FGF18: variants seen among roughly 807,000 people sequenced by gnomAD.
FGF18 encodes fibroblast growth factor 18.
In FGF18, 5 loss-of-function variants were observed where a neutral mutation model predicts 23.0. The observed-to-expected ratio is 0.22, with a 90% confidence interval of 0.11 to 0.46. The LOEUF is 0.46. Among genes scored for constraint, FGF18 ranks in the 20% least tolerant of loss-of-function variants. The pLI is 0.99. For missense variants in FGF18, 180 were observed against 291.6 expected, an observed-to-expected ratio of 0.62 and a Z score of 2.79; for synonymous variants, 117 against 118.9, an observed-to-expected ratio of 0.98 and a Z score of 0.10.
intron 4 of FGF18, 147 bp downstream of exon 4, chr5:171,449,400 T>TGTGAGA (rs1458322429): frequency 9.9e-5 from 36 of 363,304 alleles, no homozygotes; most frequent in South Asian, 1.8e-4. Flanking sequence ...TGTGTGTGTG[T>TGTGAGA]GAGAGAGAGA....
intron 3 of FGF18, among the ~76,000 whole-genome samples, chr5:171,445,384 A>G (rs1772403785): frequency 6.6e-6 from 1 of 152,148 alleles, no homozygotes; most frequent in Non-Finnish European, 1.5e-5. Flanking sequence ...TTTGAGATGG[A>G]GTCTCACTCT....
intron 2 of FGF18, among the ~76,000 whole-genome samples, chr5:171,426,540 C>T (rs1490719615): frequency 1.3e-5 from 2 of 152,226 alleles, no homozygotes; most frequent in African/African-American, 2.4e-5. Context: ...GGCTTTGGTC[C>T]GGCTTGCTAG....
chr5:171,437,033 G>A (rs772976552), intron 3 of FGF18, among the ~76,000 whole-genome samples: 4 of 152,222 alleles, frequency 2.6e-5, no homozygotes, highest in Non-Finnish European at 5.9e-5. Flanking sequence ...CCGGAAAAGC[G>A]GAGACTGCTG....
chr5:171,456,524 C>G lies in FGF18; in HGVS notation c.358-15C>G, dbSNP rs746021685. 4.4e-6 allele frequency: 7 copies of G among 1,608,654 alleles called. No individual in the cohort carries two copies. Among genetic ancestry groups the G allele is most frequent in the East Asian group, 2.2e-5 (1 of 44,770 alleles). On this transcript the variant is annotated splice_polypyrimidine_tract_variant and intron_variant, in intron 4 of 4. Coordinates refer to ENST00000274625, the MANE Select transcript of FGF18 (RefSeq NM_003862.3). This position sits in a 1 kb window ranked among gnomAD's most constrained non-coding sequence, Gnocchi z 6.1. The stretch of plus-strand genomic sequence containing the variant: ...GTCATTTTTTTCTTGAACACTCCCC[C>G]TCTCTCCCCTGCAGCCCGATGGCAC...
At chr5:171,443,421 G>A (rs191977632) in intron 3 of FGF18, among the ~76,000 whole-genome samples, 4 of 149,630 alleles carry the variant, frequency 2.7e-5, no homozygotes, top group Admixed American at 1.3e-4. Context: ...ATGAGTGCCC[G>A]GCCCCACGTT....
At chr5:171,452,696 A>G (rs946893772) in intron 4 of FGF18, among the ~76,000 whole-genome samples, 6 of 152,058 alleles carry the variant, frequency 3.9e-5, no homozygotes, top group Admixed American at 1.3e-4. Context: ...GCCACCACCT[A>G]TTGCGATCAC....
chr5:171,451,559 TC>T lies in FGF18; in HGVS notation c.357+2307del, dbSNP rs1391030835. ...AGCCGCCTGGCGTGTGGCTTCTGCATCTCCAGGCCTTTCCCCGCTGCCCACC... is the reference window on the plus strand; with the variant it reads ...AGCCGCCTGGCGTGTGGCTTCTGCATTCCAGGCCTTTCCCCGCTGCCCACC... On this transcript the variant is annotated intron_variant, in intron 4 of 4. Transcript: ENST00000274625. This position sits in a 1 kb window ranked among gnomAD's most constrained non-coding sequence, Gnocchi z 4.5. 6.6e-6 allele frequency among the ~76,000 whole-genome samples: 1 copy of T among 152,092 alleles called. No individual in the cohort carries two copies. The highest frequency in any genetic ancestry group is 1.9e-4 in the East Asian group (1 of 5,172).
rs1011374041 is a variant in FGF18, at chr5:171,420,048, G to A, written c.-152G>A. 4.0e-6 allele frequency: 2 copies of A among 496,150 alleles called. No individual in the cohort carries two copies. The highest frequency in any genetic ancestry group is 6.0e-6 in the Non-Finnish European group (2 of 331,810). 30.7% of individuals were successfully genotyped at this position (496,150 alleles called of 1,614,324 possible). ...AGGGCGCGCCGCGGAGCGCCCCGGA[G>A]CAGCAGAGTCTGCAGCAGCAGCAGC... On this transcript the variant is annotated 5_prime_UTR_variant, in exon 1 of 5. Transcript: ENST00000274625.
chr5:171,420,486 G>T, intron 2 of FGF18, 43 bp downstream of exon 2: 1 of 1,591,332 alleles, frequency 6.3e-7, no homozygotes, highest in Non-Finnish European at 8.6e-7. Flanking sequence ...CCCCTGCCTC[G>T]CGGTACACGC....
chr5:171,420,050 A>G lies in FGF18; in HGVS notation c.-150A>G. The G allele has an allele frequency of 2.0e-6, 1 of 500,416 alleles. No homozygotes were observed. Among genetic ancestry groups the G allele is most frequent in the East Asian group, 4.4e-5 (1 of 22,888 alleles). The allele number at this position is 500,416 out of a possible 1,614,324, so 31.0% of individuals were successfully genotyped here. A position where few individuals can be genotyped will look rare whatever the true frequency, so the allele number is the denominator to read the frequency against. On this transcript the variant is annotated 5_prime_UTR_variant, in exon 1 of 5. Transcript: ENST00000274625. Reference sequence around the variant, plus strand: ...GGCGCGCCGCGGAGCGCCCCGGAGCAGCAGAGTCTGCAGCAGCAGCAGCCG... The same window carrying G: ...GGCGCGCCGCGGAGCGCCCCGGAGCGGCAGAGTCTGCAGCAGCAGCAGCCG...
At chr5:171,452,896 G>A (rs1195440849) in intron 4 of FGF18, among the ~76,000 whole-genome samples, 1 of 152,148 alleles carries the variant, frequency 6.6e-6, no homozygotes, top group African/African-American at 2.4e-5. Context: ...CAACAGTCCA[G>A]GGGGTAGTTC....
At chr5:171,425,906 C>A (rs1231039013) in intron 2 of FGF18, among the ~76,000 whole-genome samples, 3 of 152,140 alleles carry the variant, frequency 2.0e-5, no homozygotes, top group Non-Finnish European at 4.4e-5. Flanking sequence ...AGAGGAAGAA[C>A]AAGAGAGGCA....
At chr5:171,433,394 TAGA>T (rs1772206962) in intron 2 of FGF18, among the ~76,000 whole-genome samples, 1 of 151,374 alleles carries the variant, frequency 6.6e-6, no homozygotes, top group Non-Finnish European at 1.5e-5. Flanking sequence ...AGGAGGAGAG[TAGA>T]AGGACAGGGA....
intron 2 of FGF18, among the ~76,000 whole-genome samples, chr5:171,426,307 G>C (rs1355804569): frequency 6.6e-6 from 1 of 152,182 alleles, no homozygotes; most frequent in African/African-American, 2.4e-5. Flanking sequence ...GTCACTGTGG[G>C]AGGGGAGGTG....
intron 1 of FGF18, 78 bp from the exon 2 acceptor site, chr5:171,420,329 T>C (rs1771984524): frequency 1.2e-5 from 19 of 1,606,262 alleles, no homozygotes; most frequent in Non-Finnish European, 1.6e-5. Context: ...TTCACCTGAC[T>C]CTTCGACTGC....
At chr5:171,420,778 G>A (rs2113322426) in intron 2 of FGF18, among the ~76,000 whole-genome samples, 2 of 152,380 alleles carry the variant, frequency 1.3e-5, no homozygotes, top group Admixed American at 1.3e-4. Context: ...CGAGGGGTAG[G>A]ACCTAGGGAT....
chr5:171,449,872 C>T (rs1772473435), intron 4 of FGF18, among the ~76,000 whole-genome samples: 3 of 152,050 alleles, frequency 2.0e-5, no homozygotes, highest in Admixed American at 6.6e-5. Flanking sequence ...GGGAGACCCA[C>T]GTGTGTGGGG....
intron 3 of FGF18, among the ~76,000 whole-genome samples, chr5:171,446,796 C>T (rs1374247751): frequency 6.6e-6 from 1 of 152,094 alleles, no homozygotes; most frequent in African/African-American, 2.4e-5. Context: ...GTCACATAGC[C>T]TAGGACGGCA....
At chr5:171,435,296 C>G (rs1283678109) in intron 2 of FGF18, among the ~76,000 whole-genome samples, 1 of 151,764 alleles carries the variant, frequency 6.6e-6, no homozygotes, top group Admixed American at 6.6e-5. Flanking sequence ...TACCAGGGGG[C>G]GAGAGTGGAA....
Sources: gnomAD v4.1 joint callset for allele counts (sites outside exome capture counted in the v4.1 genomes callset) on GRCh38, gnomAD v4.1.1 for gene constraint, Gnocchi (gnomAD v3.1) non-coding constraint, MANE v1.5 for transcripts, NCBI Gene and HGNC (gene_info 2026-07-23, HGNC 2026-07-21) for gene names.